The following EPB41L3 variants were observed in gnomAD, a reference collection of about 807,000 sequenced individuals.
The protein encoded by EPB41L3 is band 4.1-like protein 3.
In EPB41L3, 57 loss-of-function variants were observed where a neutral mutation model predicts 127.1. The observed-to-expected ratio is 0.45, with a 90% confidence interval of 0.36 to 0.56. EPB41L3 has a LOEUF of 0.56. EPB41L3 is among the 20% of genes least tolerant of loss of function. The pLI, the probability that EPB41L3 is intolerant of heterozygous loss-of-function variation, is 0.00. For missense variants in EPB41L3, 1,273 were observed against 1,372.2 expected (o/e 0.93, Z 1.14); for synonymous variants, 572 against 549.5 (o/e 1.04, Z -0.57).
chr18:5,398,266 G>T, intron 16 of EPB41L3, 123 bp from the exon 17 acceptor site: 1 of 1,126,802 alleles, frequency 8.9e-7, no homozygotes, highest in Non-Finnish European at 1.3e-6. Context: ...AAGAACGAAG[G>T]AATCTCAGAG....
chr18:5,412,238 C>A (rs1340302813), intron 13 of EPB41L3, among the ~76,000 whole-genome samples: 2 of 152,048 alleles, frequency 1.3e-5, no homozygotes, highest in Non-Finnish European at 2.9e-5. Flanking sequence ...CGCTCTGTCA[C>A]CCTGGCTGGA....
At chr18:5,571,375 A>C (rs1009299164) in intron 3 of EPB41L3, among the ~76,000 whole-genome samples, 8 of 152,194 alleles carry the variant, frequency 5.3e-5, no homozygotes, top group Non-Finnish European at 1.2e-4. Context: ...TTTAAGCATC[A>C]TCTTTAGAGT....
Position 5,438,023 on chromosome 18 carries a change from A to C in EPB41L3, c.605+12T>G, listed in dbSNP as rs1397450636. 5 of 1,612,722 alleles carry C rather than the reference A, an allele frequency of 3.1e-6. No individual in the cohort carries two copies. Among genetic ancestry groups the C allele is most frequent in the Non-Finnish European group, 4.2e-6 (5 of 1,179,342 alleles). On this transcript the variant is annotated intron_variant, in intron 6 of 22. Transcript: ENST00000341928. ...AATATGCTTGTCTTTTGCATAGCCA[A>C]CTTTCAAATACCTGGTGATATCTTC... is the stretch of plus-strand genomic sequence containing the variant.
intron 22 of EPB41L3, 40 bp downstream of exon 22, chr18:5,394,637 C>T (rs770926856): frequency 2.0e-6 from 3 of 1,527,594 alleles, no homozygotes; most frequent in South Asian, 1.1e-5. Flanking sequence ...ATGCCTCATG[C>T]CAGCCTAGGC....
At chr18:5,403,905 C>T (rs1393464878) in intron 16 of EPB41L3, among the ~76,000 whole-genome samples, 1 of 152,030 alleles carries the variant, frequency 6.6e-6, no homozygotes, top group Non-Finnish European at 1.5e-5. Context: ...TTTCTATGTG[C>T]ATAACATACA....
intron 1 of EPB41L3, among the ~76,000 whole-genome samples, chr18:5,521,075 T>C (rs1598591489): frequency 3.3e-5 from 5 of 152,338 alleles, no homozygotes; most frequent in Admixed American, 3.3e-4. Context: ...AAATGGTTCC[T>C]AAATGCTTCA....
At position 5,588,922 on chromosome 18, in the gene EPB41L3, G is replaced by T. The variant is rs1233462358; in HGVS notation, c.-306+23418C>A. On this transcript the variant is annotated intron_variant, in intron 3 of 21. Transcript: ENST00000545076. ...CCAGTTATTACAGATGTATTTCCAG[G>T]CACCCAAGGATTTATGACTTCTCAG... 2.0e-5 allele frequency among the ~76,000 whole-genome samples: 3 copies of T among 150,326 alleles called. No individual in the cohort carries two copies. In the Admixed American group the frequency reaches 2.0e-4, roughly 10 times the overall value.
Position 5,543,836 on chromosome 18 carries a change from G to A in EPB41L3, c.-12+77C>T, listed in dbSNP as rs1445846267. 7.2e-6 allele frequency: 7 copies of A among 973,150 alleles called. No homozygotes were observed. The highest frequency in any genetic ancestry group is 8.5e-6 in the Non-Finnish European group (7 of 819,070). The allele number at this position is 973,150 out of a possible 1,614,324, so 60.3% of individuals were successfully genotyped here. The stretch of plus-strand genomic sequence containing the variant: ...CACTGTCCCGCGCGCCTCGCCCCAG[G>A]CCTCGGGCTCTTCCTCCGCACCTCG... On this transcript the variant is annotated intron_variant, in intron 1 of 22. Transcript: ENST00000341928. The surrounding 1 kb of genome is among the most constrained non-coding windows in gnomAD (Gnocchi z 5.2).
At chr18:5,509,938 G>T (rs961117241) in intron 1 of EPB41L3, among the ~76,000 whole-genome samples, 3 of 152,134 alleles carry the variant, frequency 2.0e-5, no homozygotes, top group Non-Finnish European at 2.9e-5. Context: ...ACTAGAGCCA[G>T]GTTGGGAAGA....
intron 1 of EPB41L3, among the ~76,000 whole-genome samples, chr18:5,498,239 C>A (rs1261032059): frequency 6.6e-6 from 1 of 152,196 alleles, no homozygotes; most frequent in African/African-American, 2.4e-5. Context: ...CACAAATATT[C>A]CAATTGAGCT....
At chr18:5,556,000 G>A (rs1037523488) in intron 3 of EPB41L3, among the ~76,000 whole-genome samples, 4 of 152,158 alleles carry the variant, frequency 2.6e-5, no homozygotes, top group Non-Finnish European at 1.5e-5. Flanking sequence ...TGTGTGTGGC[G>A]ATTCCATGAA....
intron 15 of EPB41L3, chr18:5,407,292 C>A (rs998527257): frequency 1.1e-5 from 4 of 372,966 alleles, no homozygotes; most frequent in Admixed American, 4.3e-5. Flanking sequence ...TATCTAGGAG[C>A]GAATAACAAA....
intron 3 of EPB41L3, among the ~76,000 whole-genome samples, chr18:5,572,415 C>A (rs2094292206): frequency 6.6e-6 from 1 of 152,142 alleles, no homozygotes; most frequent in African/African-American, 2.4e-5. Context: ...ATTTATGCTA[C>A]TGGAATAATT....
At chr18:5,403,809 G>C (rs1324593357) in intron 16 of EPB41L3, among the ~76,000 whole-genome samples, 1 of 151,958 alleles carries the variant, frequency 6.6e-6, no homozygotes, top group Non-Finnish European at 1.5e-5. Context: ...TTATAAAATA[G>C]AGTAATATCA....
At chr18:5,432,221 C>A (rs1318820963) in intron 8 of EPB41L3, among the ~76,000 whole-genome samples, 4 of 152,214 alleles carry the variant, frequency 2.6e-5, no homozygotes, top group African/African-American at 9.7e-5. Flanking sequence ...ACCTACAGAT[C>A]ACAGAGCTCC....
At chr18:5,630,596 G>A (rs1271926737), upstream of EPB41L3, 3 of 490,958 alleles carry the variant, frequency 6.1e-6, no homozygotes, top group Admixed American at 2.1e-5. Context: ...CGCCAGACCC[G>A]GGCTCCTCCC....
chr18:5,506,023 C>G (rs550855440), intron 1 of EPB41L3, among the ~76,000 whole-genome samples: 6 of 151,940 alleles, frequency 3.9e-5, no homozygotes, highest in Admixed American at 1.3e-4. Flanking sequence ...CACCTCCACC[C>G]CTCCCTGCCA....
chr18:5,406,741 C>G (rs1042957679), intron 16 of EPB41L3, 36 bp downstream of exon 16: 6 of 1,575,256 alleles, frequency 3.8e-6, no homozygotes, highest in Non-Finnish European at 5.2e-6. Context: ...GGCGGGTAAA[C>G]AGAATACGAG....
intron 3 of EPB41L3, among the ~76,000 whole-genome samples, chr18:5,469,562 C>G (rs985431978): frequency 6.6e-6 from 1 of 152,118 alleles, no homozygotes; most frequent in Non-Finnish European, 1.5e-5. Flanking sequence ...GGGATCTGGG[C>G]CAGTAGCATG....
Sources: gnomAD v4.1 joint callset for allele counts (sites outside exome capture counted in the v4.1 genomes callset) on GRCh38, gnomAD v4.1.1 for gene constraint, Gnocchi (gnomAD v3.1) non-coding constraint, MANE v1.5 for transcripts, NCBI Gene and HGNC (gene_info 2026-07-23, HGNC 2026-07-21) for gene names.